FLT1: variants seen among roughly 807,000 people sequenced by gnomAD.
The protein encoded by FLT1 is fms related receptor tyrosine kinase 1.
FLT1 carries 49 observed loss-of-function variants against 156.3 expected under a neutral mutation model. The observed-to-expected ratio is 0.31, with a 90% CI of 0.25 to 0.40. The LOEUF (loss-of-function observed/expected upper bound fraction) is 0.40. Ranked by LOEUF, FLT1 falls within the 10% of genes least tolerant of loss-of-function variation. The pLI is 1.00. For missense variants in FLT1, 1,322 were observed against 1,637.2 expected, an observed-to-expected ratio of 0.81 and a Z score of 3.32; for synonymous variants, 594 against 583.8, an observed-to-expected ratio of 1.02 and a Z score of -0.25.
chr13:28,365,215 C>T (rs1329819587), intron 14 of FLT1, among the ~76,000 whole-genome samples: 1 of 151,954 alleles, frequency 6.6e-6, no homozygotes, highest in African/African-American at 2.4e-5. Flanking sequence ...AAATATCATG[C>T]TTTTCTTTAG....
At chr13:28,491,105 T>G (rs1342229118) in intron 1 of FLT1, among the ~76,000 whole-genome samples, 1 of 143,080 alleles carries the variant, frequency 7.0e-6, no homozygotes, top group Non-Finnish European at 1.6e-5. Flanking sequence ...TAGATCTCAA[T>G]AGGCTGCATA....
intron 1 of FLT1, among the ~76,000 whole-genome samples, chr13:28,478,337 CCA>C (rs1179555204): frequency 1.3e-5 from 2 of 152,156 alleles, no homozygotes; most frequent in African/African-American, 4.8e-5. Flanking sequence ...TGGTCTATGT[CCA>C]GATATTTTAC....
At chr13:28,336,856 T>C (rs145256531) in intron 17 of FLT1, among the ~76,000 whole-genome samples, 45 of 151,064 alleles carry the variant, frequency 3.0e-4, no homozygotes, top group African/African-American at 9.7e-4. Context: ...CAAATGATTC[T>C]CCTGGCTCAG....
chr13:28,359,029 A>G (rs973448439), intron 14 of FLT1, among the ~76,000 whole-genome samples: 7 of 152,230 alleles, frequency 4.6e-5, no homozygotes, highest in Non-Finnish European at 1.0e-4. Flanking sequence ...GCCTGGCCAG[A>G]CTATAGGCTG....
At chr13:28,438,965 T>C (rs1878192997) in intron 3 of FLT1, among the ~76,000 whole-genome samples, 1 of 152,232 alleles carries the variant, frequency 6.6e-6, no homozygotes, top group Non-Finnish European at 1.5e-5. Flanking sequence ...ATTTATTTCA[T>C]ATGTATATTA....
intron 28 of FLT1, 48 bp from the exon 29 acceptor site, chr13:28,306,820 G>C (rs367817939): frequency 1.5e-4 from 197 of 1,284,824 alleles, no homozygotes; most frequent in Non-Finnish European, 2.1e-4. Context: ...CCCAGCGGGG[G>C]TCCATGCTGA....
At chr13:28,449,279 A>G (rs926689641) in intron 3 of FLT1, among the ~76,000 whole-genome samples, 5 of 152,296 alleles carry the variant, frequency 3.3e-5, no homozygotes, top group Middle Eastern at 3.4e-3. Context: ...TCTAAGAAAA[A>G]AAAATGTCCT....
At chr13:28,332,892 T>C (rs1332674695) in intron 18 of FLT1, among the ~76,000 whole-genome samples, 2 of 152,312 alleles carry the variant, frequency 1.3e-5, no homozygotes, top group East Asian at 3.9e-4. Flanking sequence ...TCTGGGGTTC[T>C]TGCAGGGAGG....
intron 12 of FLT1, among the ~76,000 whole-genome samples, chr13:28,392,688 G>A (rs1374326700): frequency 1.3e-5 from 2 of 152,182 alleles, no homozygotes; most frequent in African/African-American, 4.8e-5. Context: ...TGCATTTAGT[G>A]ACATTGGGAA....
chr13:28,417,678 T>G (rs1176092728), intron 10 of FLT1, among the ~76,000 whole-genome samples: 1 of 151,952 alleles, frequency 6.6e-6, no homozygotes, highest in Non-Finnish European at 1.5e-5. Flanking sequence ...TCCGTTTTTT[T>G]TTTTTTGAGA....
intron 3 of FLT1, among the ~76,000 whole-genome samples, chr13:28,449,339 C>T (rs192996917): frequency 6.6e-6 from 1 of 152,272 alleles, no homozygotes; most frequent in Admixed American, 6.5e-5. Flanking sequence ...AATGAAACAT[C>T]TCTGCCTTCA....
chr13:28,362,595 G>T (rs546133517), intron 14 of FLT1, among the ~76,000 whole-genome samples: 2 of 152,154 alleles, frequency 1.3e-5, no homozygotes, highest in Non-Finnish European at 2.9e-5. Flanking sequence ...GAGGTGGGCA[G>T]ATCGCTTGAG....
chr13:28,347,031 A>G (rs1005862557), intron 15 of FLT1, among the ~76,000 whole-genome samples: 5 of 152,192 alleles, frequency 3.3e-5, no homozygotes, highest in African/African-American at 1.2e-4. Context: ...ACCCCATTCA[A>G]ACCTAACCAA....
chr13:28,303,892 G>A (rs947107311), intron 29 of FLT1, among the ~76,000 whole-genome samples: 1 of 152,110 alleles, frequency 6.6e-6, no homozygotes. Context: ...TCTGCCTGTC[G>A]TGCCTGTGTT....
chr13:28,368,140 GTTTATTTATTTA>G (rs535871340), intron 14 of FLT1: 1 of 628,682 alleles, frequency 1.6e-6, no homozygotes, highest in East Asian at 1.2e-4. Context: ...AATTTTGTCT[GTTTATTTATTTA>G]TTTATTTATT....
rs1305905549 is a variant in FLT1 at position 28,494,912 on chromosome 13, T to G, written c.-69A>C. ...GCGGCCAACGACCCGGCCGCCAGAG[T>G]CCGTCCTCTCGTTCGCCGCCGCCGG... On this transcript the variant is annotated 5_prime_UTR_variant, in exon 1 of 30. Transcript: ENST00000282397. 4 of 1,315,322 alleles carry G rather than the reference T, an allele frequency of 3.0e-6. No homozygotes were observed. The highest frequency in any genetic ancestry group is 4.1e-6 in the Non-Finnish European group (4 of 974,332). 81.5% of individuals were successfully genotyped at this position (1,315,322 alleles called of 1,614,324 possible). A position where few individuals can be genotyped will look rare whatever the true frequency, so the allele number is the denominator to read the frequency against.
At position 28,339,184 on chromosome 13, in the gene FLT1, C is replaced by T. The variant is rs755193876; in HGVS notation, c.2472G>A (p.Arg824=). 2.5e-6 allele frequency: 4 copies of T among 1,613,950 alleles called. No individual in the cohort carries two copies. The Admixed American group carries it at 6.7e-5, about 27-fold the overall frequency. Reference sequence around the variant, plus strand: ...ATATCTTACCCAGTTTAAGTCTCTCCCGGGCAAACTCCCACTTGCTGGCAT... The same window carrying T: ...ATATCTTACCCAGTTTAAGTCTCTCTCGGGCAAACTCCCACTTGCTGGCAT... The part of the protein sequence containing the change: ...PYDASKWEFA[R]ERLKLGKSLG... The change falls in exon 17 of 30, where the codon CGG becomes CGA. Residue 824 remains arginine, a synonymous_variant. Coordinates refer to ENST00000282397, the MANE Select transcript of FLT1 (RefSeq NM_002019.4).
chr13:28,306,921 A>T, intron 28 of FLT1, 149 bp from the exon 29 acceptor site: 1 of 676,916 alleles, frequency 1.5e-6, no homozygotes, highest in Non-Finnish European at 2.7e-6. Flanking sequence ...CATTTCTCTA[A>T]GTTGGCCACT....
At chr13:28,368,863 C>T (rs1460770222) in intron 14 of FLT1, among the ~76,000 whole-genome samples, 1 of 151,898 alleles carries the variant, frequency 6.6e-6, no homozygotes, top group Non-Finnish European at 1.5e-5. Context: ...CACCACCATA[C>T]CCGGCTAATT....
Sources: allele counts gnomAD v4.1 joint callset (sites outside exome capture counted in the v4.1 genomes callset), GRCh38; gene constraint gnomAD v4.1.1; transcripts MANE v1.5; gene names NCBI Gene and HGNC (gene_info 2026-07-23, HGNC 2026-07-21).